Variants in CD200R1L observed in about 807,000 individuals in gnomAD.
CD200R1L encodes the protein cell surface glycoprotein CD200 receptor 2.
In CD200R1L, 14 loss-of-function variants were observed where a neutral mutation model predicts 24.8. The observed-to-expected ratio is 0.56, with a 90% CI of 0.37 to 0.88. CD200R1L has a LOEUF of 0.88. Ranked by LOEUF, CD200R1L falls within the 40% of genes least tolerant of loss-of-function variation. The pLI, the probability that CD200R1L is intolerant of heterozygous loss-of-function variation, is 0.00. For missense variants in CD200R1L, 299 were observed against 297.8 expected (o/e 1.00, Z -0.03); for synonymous variants, 111 against 109.2 (o/e 1.02, Z -0.11).
At chr3:112,825,225 C>T (rs55884450) in intron 6 of CD200R1L, among the ~76,000 whole-genome samples, 6,991 of 146,126 alleles carry the variant, frequency 0.048, 184 homozygotes, top group Non-Finnish European at 0.06. Flanking sequence ...GGCGACAGAG[C>T]GAGACTCTGT....
rs370646875 is a variant in CD200R1L at position 112,827,557 on chromosome 3, G to C, written c.177C>G (p.Ala59=). 22 of 1,613,938 alleles carry C rather than the reference G, an allele frequency of 1.4e-5. No homozygotes were observed. The African/African-American group carries it at 2.8e-4, about 21-fold the overall frequency. The change falls in exon 5 of 8, where the codon GCC becomes GCG. Residue 59 remains alanine, a synonymous_variant. Coordinates refer to ENST00000488794, the MANE Select transcript of CD200R1L (RefSeq NM_001199215.3). ...ILRGQPSCTK[A]YKKETNETKE... ...TGGTCTCATTTGTTTCTTTCTTGTA[G>C]GCTTTTGTGCAGGAAGGCTGGCCTC...
intron 3 of CD200R1L, among the ~76,000 whole-genome samples, chr3:112,834,320 C>T (rs926900301): frequency 6.7e-6 from 1 of 149,970 alleles, no homozygotes; most frequent in African/African-American, 2.5e-5. Flanking sequence ...TCACTGCAAC[C>T]TCCACCTCCC....
intron 3 of CD200R1L, among the ~76,000 whole-genome samples, chr3:112,834,324 A>G: frequency 7.3e-6 from 1 of 136,988 alleles, no homozygotes. Flanking sequence ...TGCAACCTCC[A>G]CCTCCCTTCA....
In CD200R1L at chr3:112,838,705, G is replaced by A. The variant is rs571152513; in HGVS notation, c.-86-695C>T. On this transcript the variant is annotated intron_variant, in intron 2 of 7. Transcript: ENST00000488794. Reference sequence around the variant, plus strand: ...AAAAAATGTGTATCCTCCTGTGACAGCTAGTTTTATGTGTCAAGTTGGCTA... The same window carrying A: ...AAAAAATGTGTATCCTCCTGTGACAACTAGTTTTATGTGTCAAGTTGGCTA... Among the ~76,000 whole-genome samples, 15 of 152,250 alleles carry A rather than the reference G, an allele frequency of 9.9e-5. No individual in the cohort carries two copies. In the South Asian group the frequency reaches 2.9e-3, roughly 29 times the overall value.
At chr3:112,841,553 G>A (rs540460829) in intron 2 of CD200R1L, among the ~76,000 whole-genome samples, 1 of 152,330 alleles carries the variant, frequency 6.6e-6, no homozygotes, top group South Asian at 2.1e-4. Flanking sequence ...TCATCGCCAA[G>A]GTTTGCCATC....
At chr3:112,821,657 T>TTGTTTTGTG (rs1250473476) in intron 6 of CD200R1L, among the ~76,000 whole-genome samples, 15 of 152,266 alleles carry the variant, frequency 9.9e-5, no homozygotes, top group Non-Finnish European at 1.8e-4. Flanking sequence ...TGGTGTTTTT[T>TTGTTTTGTG]TTGTTTTGTT....
intron 3 of CD200R1L, among the ~76,000 whole-genome samples, chr3:112,833,107 A>G (rs886687549): frequency 1.4e-4 from 21 of 152,352 alleles, no homozygotes; most frequent in African/African-American, 4.1e-4. Context: ...TCTCGAAAAA[A>G]GGACAAATTA....
rs1485172510 is a variant in CD200R1L at position 112,845,879 on chromosome 3, T to A, written c.-287A>T. The stretch of plus-strand genomic sequence containing the variant: ...ACATATTTCTTCATTATCTTGCTTA[T>A]CTTTAATTTTTGCTGTCATTCTATA... On this transcript the variant is annotated 5_prime_UTR_variant, in exon 2 of 8. Coordinates refer to ENST00000488794, the MANE Select transcript of CD200R1L (RefSeq NM_001199215.3). 4 of 604,804 alleles carry A rather than the reference T, an allele frequency of 6.6e-6. No individual in the cohort carries two copies. The highest frequency in any genetic ancestry group is 1.2e-5 in the Non-Finnish European group (4 of 342,966). The allele number at this position is 604,804 out of a possible 1,614,324, so 37.5% of individuals were successfully genotyped here.
chr3:112,823,826 A>G (rs527248172), intron 6 of CD200R1L, among the ~76,000 whole-genome samples: 1 of 152,314 alleles, frequency 6.6e-6, no homozygotes, highest in East Asian at 1.9e-4. Context: ...AATTGCATGT[A>G]AAAGGGAACA....
rs1938798269 is a variant in CD200R1L, at chr3:112,831,527, T to C, written c.-17-2143A>G. ...CCTAACCCTCAGAGATGTGATCTTA[T>C]TTGAAAATAAAATCATTACAAGTAT... On this transcript the variant is annotated intron_variant, in intron 3 of 7. Transcript: ENST00000488794. Among the ~76,000 whole-genome samples the C allele has an allele frequency of 3.3e-5, 5 of 152,312 alleles. No homozygotes were observed. The South Asian group carries it at 1.0e-3, about 32-fold the overall frequency.
rs760422252 is a variant in CD200R1L, at chr3:112,827,267, AT to A, written c.368-27del. 17 of 1,592,780 alleles carry A rather than the reference AT, an allele frequency of 1.1e-5. No individual in the cohort carries two copies. In the East Asian group the frequency reaches 3.8e-4, roughly 36 times the overall value. On this transcript the variant is annotated intron_variant, in intron 5 of 7. Coordinates refer to ENST00000488794, the MANE Select transcript of CD200R1L (RefSeq NM_001199215.3). The stretch of plus-strand genomic sequence containing the variant: ...CTGCAGAGAGGAAAGAGGGAAAAAA[AT>A]GCTTCAGTTTTCACATAAAGCATAT...
chr3:112,829,380 T>C lies in CD200R1L; in HGVS notation c.-13A>G, dbSNP rs1257434767. 6.2e-7 allele frequency: 1 copy of C among 1,613,614 alleles called. No individual in the cohort carries two copies. The highest frequency in any genetic ancestry group is 1.3e-5 in the African/African-American group (1 of 74,938). ...GCTTTCCACCCATGCATGAACTACT[T>C]GAAGCTAGAAAACATTTAGAGAAGA... is the stretch of plus-strand genomic sequence containing the variant. On this transcript the variant is annotated 5_prime_UTR_variant, in exon 4 of 8. Transcript: ENST00000488794.
chr3:112,827,700 A>G lies in CD200R1L; in HGVS notation c.50-16T>C. On this transcript the variant is annotated splice_polypyrimidine_tract_variant and intron_variant, in intron 4 of 7. Coordinates refer to ENST00000488794, the MANE Select transcript of CD200R1L (RefSeq NM_001199215.3). ...GAAATGTTACCTGGACACACACACAAAGGATAATGATATAGAAAACCTTGA... is the reference window on the plus strand; with the variant it reads ...GAAATGTTACCTGGACACACACACAGAGGATAATGATATAGAAAACCTTGA... The G allele has an allele frequency of 6.3e-7, 1 of 1,597,892 alleles. No individual in the cohort carries two copies. The highest frequency in any genetic ancestry group is 8.5e-7 in the Non-Finnish European group (1 of 1,172,188).
In CD200R1L at chr3:112,846,653, G is replaced by A. The variant is rs1939205594; in HGVS notation, c.-387C>T. ...AGAAGATGACCTTATTTGGAAATAG[G>A]GTCATTGGAGATATAATTAGTTAAG... is the stretch of plus-strand genomic sequence containing the variant. On this transcript the variant is annotated 5_prime_UTR_variant, in exon 1 of 8. Coordinates refer to ENST00000488794, the MANE Select transcript of CD200R1L (RefSeq NM_001199215.3). 1 of 152,144 alleles carries A rather than the reference G, an allele frequency of 6.6e-6. No homozygotes were observed. Among genetic ancestry groups the A allele is most frequent in the African/African-American group, 2.4e-5 (1 of 41,410 alleles). 9.4% of individuals were successfully genotyped at this position (152,144 alleles called of 1,614,324 possible). A position where few individuals can be genotyped will look rare whatever the true frequency, so the allele number is the denominator to read the frequency against.
Position 112,816,029 on chromosome 3 carries a change from A to C in CD200R1L, c.741-54T>G, listed in dbSNP as rs181525037. On this transcript the variant is annotated intron_variant, in intron 7 of 7. Coordinates refer to ENST00000488794, the MANE Select transcript of CD200R1L (RefSeq NM_001199215.3). ...ATATCTCATTTTCCAGAGCTTATGC[A>C]AGTGGGCATACTCAGCAAAGGAAAC... is the stretch of plus-strand genomic sequence containing the variant. The C allele has an allele frequency of 4.8e-3, 3,753 of 775,236 alleles. 13 individuals carry two copies. Among genetic ancestry groups the C allele is most frequent in the Non-Finnish European group, 6.6e-3 (2,754 of 415,638 alleles). 48.0% of individuals were successfully genotyped at this position (775,236 alleles called of 1,614,324 possible).
In CD200R1L at chr3:112,837,932, A is replaced by G. The variant is rs1938990366; in HGVS notation, c.-18+10T>C. ...CATCAAACTGGTTATTAAGTAAGTGAGCATTTTACCTTCATTAAGACGTAT... is the reference window on the plus strand; with the variant it reads ...CATCAAACTGGTTATTAAGTAAGTGGGCATTTTACCTTCATTAAGACGTAT... On this transcript the variant is annotated intron_variant, in intron 3 of 7. Transcript: ENST00000488794. 1.7e-6 allele frequency: 2 copies of G among 1,166,028 alleles called. No individual in the cohort carries two copies. Among genetic ancestry groups the G allele is most frequent in the Admixed American group, 7.5e-5 (2 of 26,712 alleles). 72.2% of individuals were successfully genotyped at this position (1,166,028 alleles called of 1,614,324 possible).
At position 112,829,302 on chromosome 3, in the gene CD200R1L, C is replaced by A. The variant is rs753533941; in HGVS notation, c.49+17G>T. On this transcript the variant is annotated intron_variant, in intron 4 of 7. Coordinates refer to ENST00000488794, the MANE Select transcript of CD200R1L (RefSeq NM_001199215.3). Reference sequence around the variant, plus strand: ...TTCCATCCCTCAGTGCTGGCCACTACTAAGGGAGCATATTACCTTCTGCAA... The same window carrying A: ...TTCCATCCCTCAGTGCTGGCCACTAATAAGGGAGCATATTACCTTCTGCAA... 1.2e-6 allele frequency: 2 copies of A among 1,606,098 alleles called. No individual in the cohort carries two copies. The highest frequency in any genetic ancestry group is 1.7e-6 in the Non-Finnish European group (2 of 1,172,710).
chr3:112,826,857 T>A (rs1002363920), intron 6 of CD200R1L, 136 bp downstream of exon 6: 14 of 981,858 alleles, frequency 1.4e-5, no homozygotes, highest in African/African-American at 1.2e-4. Context: ...AGCGTTGTAA[T>A]GCATTTCTCA....
At chr3:112,819,310 A>T (rs148237963) in intron 7 of CD200R1L, among the ~76,000 whole-genome samples, 3 of 152,362 alleles carry the variant, frequency 2.0e-5, no homozygotes, top group African/African-American at 7.2e-5. Context: ...CTTTGAACCC[A>T]AAGGCTTATT....
Sources: allele counts gnomAD v4.1 joint callset (sites outside exome capture counted in the v4.1 genomes callset), GRCh38; gene constraint gnomAD v4.1.1; transcripts MANE v1.5; gene names NCBI Gene and HGNC (gene_info 2026-07-23, HGNC 2026-07-21).